The following GTPBP10 variants were observed in gnomAD, a reference collection of about 807,000 sequenced individuals.
GTPBP10 encodes the protein GTP-binding protein 10.
A neutral mutation model predicts 44.8 loss-of-function variants in GTPBP10; 38 were observed. The ratio of observed to expected loss-of-function variants is 0.85; its 90% CI spans 0.65 to 1.11. The LOEUF (loss-of-function observed/expected upper bound fraction) is 1.11. Among genes scored for constraint, GTPBP10 ranks in the 50% most tolerant of loss-of-function variants. The probability of loss-of-function intolerance (pLI) is 0.00; values close to 1 mark genes in which losing one functional copy is unlikely to be tolerated. For synonymous variants in GTPBP10, 152 were observed against 150.6 expected (o/e 1.01, Z -0.07); for missense variants, 462 against 453.7 (o/e 1.02, Z -0.17).
intron 6 of GTPBP10, among the ~76,000 whole-genome samples, chr7:90,376,070 CAAAAAA>C (rs368737563): frequency 1.5e-5 from 2 of 129,348 alleles, no homozygotes; most frequent in Admixed American, 7.8e-5. Context: ...ACTAAAAATA[CAAAAAA>C]AAAAAAAAAT....
intron 1 of GTPBP10, among the ~76,000 whole-genome samples, chr7:90,352,242 T>C: frequency 6.6e-6 from 1 of 152,186 alleles, no homozygotes; most frequent in East Asian, 1.9e-4. Flanking sequence ...TCAATGAATA[T>C]GTAAACCATG....
chr7:90,355,996 CA>C (rs1220480133), intron 4 of GTPBP10, among the ~76,000 whole-genome samples: 4 of 150,284 alleles, frequency 2.7e-5, no homozygotes, highest in Non-Finnish European at 5.9e-5. Flanking sequence ...GGCCCTATCA[CA>C]GTATTACACA....
chr7:90,363,339 A>G (rs1409491574), intron 4 of GTPBP10, among the ~76,000 whole-genome samples: 1 of 152,170 alleles, frequency 6.6e-6, no homozygotes, highest in Non-Finnish European at 1.5e-5. Flanking sequence ...GGTGTTGACA[A>G]AATCTCTCAG....
chr7:90,352,752 T>A, intron 1 of GTPBP10, 64 bp from the exon 2 acceptor site: 1 of 1,243,886 alleles, frequency 8.0e-7, no homozygotes, highest in Non-Finnish European at 1.1e-6. Context: ...AAGAAAGAAC[T>A]AGAAAAAGGT....
At chr7:90,370,383 A>G (rs987319865) in intron 4 of GTPBP10, among the ~76,000 whole-genome samples, 6 of 152,000 alleles carry the variant, frequency 3.9e-5, no homozygotes, top group Admixed American at 3.9e-4. Context: ...CACACACCAT[A>G]GAATACTACT....
intron 8 of GTPBP10, among the ~76,000 whole-genome samples, chr7:90,381,395 A>C (rs1000982539): frequency 4.6e-5 from 7 of 152,112 alleles, no homozygotes; most frequent in Non-Finnish European, 1.0e-4. Context: ...GTGATGTTGA[A>C]CATTTTTTCA....
rs1173793704 is a variant in GTPBP10 at position 90,388,650 on chromosome 7, A to G, written c.*3496A>G. ...ATCAGGAAAAAAGTCATCTTTTATA[A>G]TGAGAAAAATTAGGTCAAGGATATT... On this transcript the variant is annotated 3_prime_UTR_variant, in exon 10 of 10. Coordinates refer to ENST00000222511, the MANE Select transcript of GTPBP10 (RefSeq NM_033107.4). 1 of 152,196 alleles carries G rather than the reference A, an allele frequency of 6.6e-6. No homozygotes were observed. The highest frequency in any genetic ancestry group is 1.5e-5 in the Non-Finnish European group (1 of 68,012). 9.4% of individuals were successfully genotyped at this position (152,196 alleles called of 1,614,324 possible). A position where few individuals can be genotyped will look rare whatever the true frequency, so the allele number is the denominator to read the frequency against.
rs1434986733 is a variant in GTPBP10 at position 90,389,626 on chromosome 7, T to C, written c.*4472T>C. 1 of 151,878 alleles carries C rather than the reference T, an allele frequency of 6.6e-6. No individual in the cohort carries two copies. The highest frequency in any genetic ancestry group is 1.5e-5 in the Non-Finnish European group (1 of 67,978). The allele number at this position is 151,878 out of a possible 1,614,324, so 9.4% of individuals were successfully genotyped here. On this transcript the variant is annotated 3_prime_UTR_variant, in exon 10 of 10. Coordinates refer to ENST00000222511, the MANE Select transcript of GTPBP10 (RefSeq NM_033107.4). ...GGGAAAATTTTTTAAAAGACATTTA[T>C]TAAAAAAAAATGTCTATGCCTTATC...
chr7:90,372,566 C>T (rs1290641951), intron 5 of GTPBP10, among the ~76,000 whole-genome samples: 1 of 149,914 alleles, frequency 6.7e-6, no homozygotes, highest in Non-Finnish European at 1.5e-5. Flanking sequence ...GATCTCCCAC[C>T]TTGGCCTTCT....
intron 2 of GTPBP10, 37 bp downstream of exon 2, chr7:90,353,046 C>A: frequency 2.1e-6 from 3 of 1,395,712 alleles, no homozygotes; most frequent in South Asian, 1.6e-5. Context: ...TTTAGAAAAT[C>A]AAACCCTTCT....
chr7:90,371,010 G>GATAGATAAATAA (rs1286495525), intron 4 of GTPBP10, among the ~76,000 whole-genome samples: 9 of 144,998 alleles, frequency 6.2e-5, no homozygotes, highest in Non-Finnish European at 9.0e-5. Context: ...CATCTCAATA[G>GATAGATAAATAA]ATAAATAAAT....
chr7:90,390,485 G>A lies in GTPBP10; in HGVS notation c.*5331G>A, dbSNP rs1322684097. ...AATCACCTTTGTATATATTATTAAT[G>A]TGTTTATAATAGAAATTAAATTCTT... On this transcript the variant is annotated 3_prime_UTR_variant, in exon 10 of 10. Coordinates refer to ENST00000222511, the MANE Select transcript of GTPBP10 (RefSeq NM_033107.4). 6.6e-6 allele frequency: 1 copy of A among 152,200 alleles called. No individual in the cohort carries two copies. Among genetic ancestry groups the A allele is most frequent in the Non-Finnish European group, 1.5e-5 (1 of 68,036 alleles). The allele number at this position is 152,200 out of a possible 1,614,324, so 9.4% of individuals were successfully genotyped here.
chr7:90,353,834 C>T (rs200078372), intron 2 of GTPBP10, among the ~76,000 whole-genome samples: 3 of 144,398 alleles, frequency 2.1e-5, no homozygotes, highest in African/African-American at 2.6e-5. Flanking sequence ...TTCATTTTTT[C>T]TTTTTTTTTT....
intron 9 of GTPBP10, among the ~76,000 whole-genome samples, chr7:90,384,211 G>A (rs1438952378): frequency 6.6e-6 from 1 of 152,158 alleles, no homozygotes; most frequent in Non-Finnish European, 1.5e-5. Flanking sequence ...ATCTCAGAAA[G>A]TAAGCTCCAT....
chr7:90,390,721 A>G lies in GTPBP10; in HGVS notation c.*5567A>G, dbSNP rs960968839. On this transcript the variant is annotated 3_prime_UTR_variant, in exon 10 of 10. Coordinates refer to ENST00000222511, the MANE Select transcript of GTPBP10 (RefSeq NM_033107.4). ...CAAAAGCTTCCTTTGTTCATGGCCCATATTCCAGTATATTTTTCTGAAACT... is the reference window on the plus strand; with the variant it reads ...CAAAAGCTTCCTTTGTTCATGGCCCGTATTCCAGTATATTTTTCTGAAACT... 2 of 152,180 alleles carry G rather than the reference A, an allele frequency of 1.3e-5. No individual in the cohort carries two copies. Among genetic ancestry groups the G allele is most frequent in the Non-Finnish European group, 1.5e-5 (1 of 68,018 alleles). 9.4% of individuals were successfully genotyped at this position (152,180 alleles called of 1,614,324 possible). A position where few individuals can be genotyped will look rare whatever the true frequency, so the allele number is the denominator to read the frequency against.
At chr7:90,348,761 G>A (rs188145608) in intron 1 of GTPBP10, among the ~76,000 whole-genome samples, 1 of 152,182 alleles carries the variant, frequency 6.6e-6, no homozygotes, top group East Asian at 1.9e-4. Flanking sequence ...TTTCTATAGG[G>A]TACCAATACC....
chr7:90,357,481 CAGAA>C (rs1343630881), intron 4 of GTPBP10, among the ~76,000 whole-genome samples: 1 of 152,012 alleles, frequency 6.6e-6, no homozygotes, highest in African/African-American at 2.4e-5. Flanking sequence ...AAATTCATGA[CAGAA>C]AGATTTTTTT....
In GTPBP10 at chr7:90,372,140, A is replaced by C. The variant is rs771635526; in HGVS notation, c.465-15A>C. 1 of 1,536,834 alleles carries C rather than the reference A, an allele frequency of 6.5e-7. No homozygotes were observed. The highest frequency in any genetic ancestry group is 1.1e-5 in the South Asian group (1 of 87,798). ...AATATTGACATTTGTGTATAATTTT[A>C]TATTCTTGTTTCAGATTCCCAAATG... On this transcript the variant is annotated splice_polypyrimidine_tract_variant and intron_variant, in intron 4 of 9. Coordinates refer to ENST00000222511, the MANE Select transcript of GTPBP10 (RefSeq NM_033107.4).
intron 4 of GTPBP10, among the ~76,000 whole-genome samples, chr7:90,357,672 A>G (rs1795930981): frequency 2.0e-5 from 3 of 152,294 alleles, no homozygotes; most frequent in South Asian, 2.1e-4. Flanking sequence ...CTCATTGCTC[A>G]GTATGTTGCC....
Sources: gnomAD v4.1 joint callset for allele counts (sites outside exome capture counted in the v4.1 genomes callset) on GRCh38, gnomAD v4.1.1 for gene constraint, MANE v1.5 for transcripts, NCBI Gene and HGNC (gene_info 2026-07-23, HGNC 2026-07-21) for gene names.